FNTB: variants seen among roughly 807,000 people sequenced by gnomAD.
FNTB encodes protein farnesyltransferase subunit beta.
FNTB carries 27 observed loss-of-function variants against 59.4 expected under a neutral mutation model. The observed-to-expected ratio is 0.45, with a 90% confidence interval of 0.34 to 0.63. The LOEUF is 0.63. FNTB is among the 20% of genes least tolerant of loss of function. FNTB has a pLI of 0.02. For missense variants in FNTB, 449 were observed against 559.6 expected, an observed-to-expected ratio of 0.80 and a Z score of 1.99; for synonymous variants, 230 against 220.7, an observed-to-expected ratio of 1.04 and a Z score of -0.37.
At position 65,037,402 on chromosome 14, in the gene FNTB, CCTTTTTTTTTT is replaced by C. The variant is rs1190247453; in HGVS notation, c.693-3387_693-3377del. Among the ~76,000 whole-genome samples the C allele has an allele frequency of 1.7e-3, 25 of 14,536 alleles. 1 individual carries two copies. Among genetic ancestry groups the C allele is most frequent in the African/African-American group, 3.5e-3 (12 of 3,446 alleles). The allele number at this position is 14,536 out of a possible 152,430, so 9.5% of individuals were successfully genotyped here. ...ATAGGCGTGAGCCACCACGCCGGGC[CCTTTTTTTTTT>C]TTTTTTTTTTTTTTTTTTTTTTTTT... On this transcript the variant is annotated intron_variant, in intron 7 of 11. Coordinates refer to ENST00000246166, the MANE Select transcript of FNTB (RefSeq NM_002028.4).
rs71444680 is a variant in FNTB at position 65,032,910 on chromosome 14, T to TA, written c.692+220dup. Among the ~76,000 whole-genome samples the TA allele has an allele frequency of 0.25, 37,895 of 152,148 alleles. 4,923 individuals are homozygous for TA. Among genetic ancestry groups the TA allele is most frequent in the Non-Finnish European group, 0.3 (20,306 of 67,996 alleles). On this transcript the variant is annotated intron_variant, in intron 7 of 11. Transcript: ENST00000246166. The surrounding 1 kb of genome is among the most constrained non-coding windows in gnomAD (Gnocchi z 5.0). The stretch of plus-strand genomic sequence containing the variant: ...ATATTATATTTTAGATTGGCAAAGA[T>TA]AAAAAACTTTGGTAAACAATATTAG...
At chr14:64,995,928 G>A (rs139392348) in intron 1 of FNTB, among the ~76,000 whole-genome samples, 2,172 of 150,644 alleles carry the variant, frequency 0.014, 28 homozygotes, top group Middle Eastern at 0.028. Flanking sequence ...GTTGAGACCA[G>A]CCTGGCCAAC....
Position 65,032,624 on chromosome 14 carries a change from CTG to C in FNTB, c.621_622del (p.Ala208LeufsTer15). On this transcript the variant is annotated frameshift_variant, in exon 7 of 12. Transcript: ENST00000246166. LOFTEE classifies it high-confidence loss of function. This position sits in a 1 kb window ranked among gnomAD's most constrained non-coding sequence, Gnocchi z 5.0. ...TGTCTTTCCAGAAGCGCATACTGTG[CTG>C]CCTCCGTAGCCTCGCTGACCAACAT... is the stretch of plus-strand genomic sequence containing the variant. The C allele has an allele frequency of 1.2e-6, 2 of 1,613,792 alleles. No homozygotes were observed. The highest frequency in any genetic ancestry group is 1.7e-6 in the Non-Finnish European group (2 of 1,179,974).
At chr14:65,058,632 T>A (rs1205744809) in intron 11 of FNTB, among the ~76,000 whole-genome samples, 2 of 152,256 alleles carry the variant, frequency 1.3e-5, no homozygotes, top group East Asian at 3.8e-4. Context: ...TGATATTCAC[T>A]TTTATTCCTG....
At chr14:65,025,370 G>T (rs914655551) in intron 4 of FNTB, among the ~76,000 whole-genome samples, 8 of 152,158 alleles carry the variant, frequency 5.3e-5, no homozygotes, top group Admixed American at 1.3e-4. Flanking sequence ...ACTTTTTGTG[G>T]TACAGAAACC....
At position 65,011,415 on chromosome 14, in the gene FNTB, C is replaced by G. The variant is rs527582270; in HGVS notation, c.210-902C>G. 7.8e-6 allele frequency among the ~76,000 whole-genome samples: 1 copy of G among 127,958 alleles called. No individual in the cohort carries two copies. Among genetic ancestry groups the G allele is most frequent in the Admixed American group, 9.6e-5 (1 of 10,392 alleles). 83.9% of individuals were successfully genotyped at this position (127,958 alleles called of 152,430 possible). A position where few individuals can be genotyped will look rare whatever the true frequency, so the allele number is the denominator to read the frequency against. On this transcript the variant is annotated intron_variant, in intron 2 of 11. Coordinates refer to ENST00000246166, the MANE Select transcript of FNTB (RefSeq NM_002028.4). This position sits in a 1 kb window ranked among gnomAD's most constrained non-coding sequence, Gnocchi z 4.0. ...CTGCACTCCAGCCTGGGTGACAGAGCGAGACTCCGTCTCAGGAAAAAAAAA... is the reference window on the plus strand; with the variant it reads ...CTGCACTCCAGCCTGGGTGACAGAGGGAGACTCCGTCTCAGGAAAAAAAAA...
chr14:65,053,411 C>G, intron 10 of FNTB, 62 bp downstream of exon 10: 1 of 1,250,710 alleles, frequency 8.0e-7, no homozygotes, highest in Non-Finnish European at 1.0e-6. Context: ...GGGCGTGCAC[C>G]TCAGGCCTAC....
chr14:64,994,530 C>CATTAGTACTGTTT lies in FNTB; in HGVS notation c.144+7434_144+7435insTTAGTACTGTTTA, dbSNP rs1888323717. Reference sequence around the variant, plus strand: ...CTAGGCTACAGGCTACAAACCTACACAGTATGTTACTGTACTAAATACTGC... The same window carrying CATTAGTACTGTTT: ...CTAGGCTACAGGCTACAAACCTACACATTAGTACTGTTTAGTATGTTACTGTACTAAATACTGC... On this transcript the variant is annotated intron_variant, in intron 1 of 11. Coordinates refer to ENST00000246166, the MANE Select transcript of FNTB (RefSeq NM_002028.4). This position sits in a 1 kb window ranked among gnomAD's most constrained non-coding sequence, Gnocchi z 4.2. Among the ~76,000 whole-genome samples the CATTAGTACTGTTT allele has an allele frequency of 6.6e-6, 1 of 152,126 alleles. No homozygotes were observed. The highest frequency in any genetic ancestry group is 2.4e-5 in the African/African-American group (1 of 41,420).
At chr14:65,005,448 CTT>C (rs1245761441) in intron 2 of FNTB, among the ~76,000 whole-genome samples, 1 of 141,604 alleles carries the variant, frequency 7.1e-6, no homozygotes, top group Non-Finnish European at 1.6e-5. Flanking sequence ...CTCTTCCTTT[CTT>C]TTCTTTCTTT....
At chr14:65,042,846 A>C (rs1477934207) in intron 8 of FNTB, among the ~76,000 whole-genome samples, 1 of 152,244 alleles carries the variant, frequency 6.6e-6, no homozygotes, top group Non-Finnish European at 1.5e-5. Context: ...AGTAATGCTT[A>C]GCCCACTTCC....
intron 2 of FNTB, 52 bp downstream of exon 2, chr14:65,004,365 C>T: frequency 3.2e-6 from 5 of 1,570,988 alleles, no homozygotes; most frequent in Non-Finnish European, 4.3e-6. Context: ...CACCATGCAG[C>T]AGCCTTTCTT....
intron 1 of FNTB, among the ~76,000 whole-genome samples, chr14:64,998,175 G>A (rs982797004): frequency 2.6e-5 from 4 of 152,188 alleles, no homozygotes; most frequent in Non-Finnish European, 4.4e-5. Flanking sequence ...TACTATTTGA[G>A]GTAAAACTTT....
At chr14:65,004,977 T>G (rs1320831012) in intron 2 of FNTB, among the ~76,000 whole-genome samples, 4 of 152,252 alleles carry the variant, frequency 2.6e-5, no homozygotes, top group Non-Finnish European at 5.9e-5. Context: ...TTTTTCTTTT[T>G]CATATTGTAC....
intron 4 of FNTB, among the ~76,000 whole-genome samples, chr14:65,026,422 A>G (rs995403961): frequency 6.6e-6 from 1 of 152,216 alleles, no homozygotes; most frequent in African/African-American, 2.4e-5. Context: ...ATTAACGTGG[A>G]GAATTCTCCA....
At chr14:65,059,840 T>TC (rs945408596) in intron 11 of FNTB, among the ~76,000 whole-genome samples, 6 of 148,624 alleles carry the variant, frequency 4.0e-5, no homozygotes, top group African/African-American at 1.5e-4. Context: ...CTTTTTTCTT[T>TC]TTTTTTTTTT....
rs757073842 is a variant in FNTB, at chr14:65,027,412, T to G, written c.375-41T>G. The G allele has an allele frequency of 2.5e-6, 4 of 1,608,828 alleles. No homozygotes were observed. Among genetic ancestry groups the G allele is most frequent in the South Asian group, 2.2e-5 (2 of 90,446 alleles). On this transcript the variant is annotated intron_variant, in intron 4 of 11. Transcript: ENST00000246166. The surrounding 1 kb of genome is among the most constrained non-coding windows in gnomAD (Gnocchi z 5.7). The stretch of plus-strand genomic sequence containing the variant: ...TGGGAATTTGGTGTTTTGACATGAA[T>G]GCTCTCTGACTTTGTTTTTGCCCTT...
chr14:65,061,570 CAGGAGGAAG>C lies in FNTB; in HGVS notation c.*259_*267del. 4.9e-6 allele frequency: 2 copies of C among 404,698 alleles called. No homozygotes were observed. The highest frequency in any genetic ancestry group is 3.2e-5 in the South Asian group (1 of 31,500). The allele number at this position is 404,698 out of a possible 1,614,324, so 25.1% of individuals were successfully genotyped here. A position where few individuals can be genotyped will look rare whatever the true frequency, so the allele number is the denominator to read the frequency against. Reference sequence around the variant, plus strand: ...GGTGTGGTTGGTGAACAGTGCATGCCAGGAGGAAGCAGTCCCTCCTCACCAGCTCTCCAG... The same window carrying C: ...GGTGTGGTTGGTGAACAGTGCATGCCCAGTCCCTCCTCACCAGCTCTCCAG... On this transcript the variant is annotated 3_prime_UTR_variant, in exon 12 of 12. Transcript: ENST00000246166.
rs2061692809 is a variant in FNTB, at chr14:65,012,105, T to G, written c.210-212T>G. On this transcript the variant is annotated intron_variant, in intron 2 of 11. Coordinates refer to ENST00000246166, the MANE Select transcript of FNTB (RefSeq NM_002028.4). This position sits in a 1 kb window ranked among gnomAD's most constrained non-coding sequence, Gnocchi z 5.0. ...GCACTCTAAATGTCAGCTGGCATGGTTTTCAGATGCTTTAGAGACATTCAG... is the reference window on the plus strand; with the variant it reads ...GCACTCTAAATGTCAGCTGGCATGGGTTTCAGATGCTTTAGAGACATTCAG... 1 of 537,094 alleles carries G rather than the reference T, an allele frequency of 1.9e-6. No homozygotes were observed. Among genetic ancestry groups the G allele is most frequent in the East Asian group, 3.4e-5 (1 of 29,702 alleles). The allele number at this position is 537,094 out of a possible 1,614,324, so 33.3% of individuals were successfully genotyped here.
At position 65,061,168 on chromosome 14, in the gene FNTB, C is replaced by T. The variant is rs1274612460; in HGVS notation, c.1183-13C>T. ...CCGGGGTGATTAACTGGCACCTTTT[C>T]TTCTCTTTGCAGCAGCCCACTCACC... On this transcript the variant is annotated splice_polypyrimidine_tract_variant and intron_variant, in intron 11 of 11. Coordinates refer to ENST00000246166, the MANE Select transcript of FNTB (RefSeq NM_002028.4). 1 of 1,613,582 alleles carries T rather than the reference C, an allele frequency of 6.2e-7. No homozygotes were observed. The highest frequency in any genetic ancestry group is 2.2e-5 in the East Asian group (1 of 44,866).
Sources: gnomAD v4.1 joint callset for allele counts (sites outside exome capture counted in the v4.1 genomes callset) on GRCh38, gnomAD v4.1.1 for gene constraint, Gnocchi (gnomAD v3.1) non-coding constraint, MANE v1.5 for transcripts, NCBI Gene and HGNC (gene_info 2026-07-23, HGNC 2026-07-21) for gene names.